Variants in COBL observed in about 807,000 individuals in gnomAD.
COBL encodes the protein protein cordon-bleu.
COBL carries 51 observed loss-of-function variants against 98.8 expected under a neutral mutation model. The observed-to-expected ratio is 0.52, with a 90% confidence interval of 0.41 to 0.65. The LOEUF (loss-of-function observed/expected upper bound fraction) is 0.65. Among genes scored for constraint, COBL ranks in the 30% least tolerant of loss-of-function variants. COBL has a pLI of 0.00. For missense variants in COBL, 1,617 were observed against 1,617.5 expected (o/e 1.00, Z 0.01); for synonymous variants, 634 against 651.7 (o/e 0.97, Z 0.41).
chr7:51,274,016 C>A (rs933783801), intron 1 of COBL, among the ~76,000 whole-genome samples: 3 of 152,150 alleles, frequency 2.0e-5, no homozygotes, highest in African/African-American at 7.2e-5. Flanking sequence ...CCTCCCTTCC[C>A]TGTAATGCTC....
At position 51,025,963 on chromosome 7, in the gene COBL, T is replaced by C. The variant is rs185284091; in HGVS notation, c.3504+583A>G. On this transcript the variant is annotated intron_variant, in intron 11 of 12. Transcript: ENST00000265136. ...ACTGAGAACTCTCTGACCTCATGAC[T>C]TTTCTTGGCATATAAGAATAGACAT... 3.0e-3 allele frequency among the ~76,000 whole-genome samples: 463 copies of C among 152,290 alleles called. 5 individuals carry two copies. Among genetic ancestry groups the C allele is most frequent in the African/African-American group, 0.011 (441 of 41,550 alleles).
Position 51,201,012 on chromosome 7 carries a change from G to A in COBL, c.246-7423C>T, listed in dbSNP as rs978825748. 1.3e-4 allele frequency among the ~76,000 whole-genome samples: 20 copies of A among 152,114 alleles called. No homozygotes were observed. The East Asian group carries it at 2.5e-3, about 19-fold the overall frequency. ...TCCCAACACTTTGGGAGGCCGAGGC[G>A]GGCAGATCACGATGTCAGGAGTTCG... On this transcript the variant is annotated intron_variant, in intron 2 of 12. Coordinates refer to ENST00000265136, the MANE Select transcript of COBL (RefSeq NM_015198.5).
intron 2 of COBL, among the ~76,000 whole-genome samples, chr7:51,195,639 TTTCC>T (rs1388371120): frequency 6.6e-6 from 1 of 152,014 alleles, no homozygotes; most frequent in African/African-American, 2.4e-5. Context: ...TGATCCTTCC[TTTCC>T]ATTTGTTTGT....
In COBL at chr7:51,187,164, G is replaced by A. The variant is rs527930035; in HGVS notation, c.686-2965C>T. On this transcript the variant is annotated intron_variant, in intron 4 of 12. Coordinates refer to ENST00000265136, the MANE Select transcript of COBL (RefSeq NM_015198.5). ...ATGAAGGACCCTTAAAGACCAACGA[G>A]TCCAAACCACTCACTTGTCTAGAGG... is the stretch of plus-strand genomic sequence containing the variant. Among the ~76,000 whole-genome samples, 8 of 152,114 alleles carry A rather than the reference G, an allele frequency of 5.3e-5. No homozygotes were observed. In the South Asian group the frequency reaches 1.7e-3, roughly 32 times the overall value.
intron 1 of COBL, among the ~76,000 whole-genome samples, chr7:51,273,979 C>A (rs1799040505): frequency 6.6e-6 from 1 of 152,144 alleles, no homozygotes; most frequent in South Asian, 2.1e-4. Flanking sequence ...CAAATGCGAT[C>A]TTCTTCAGTC....
intron 7 of COBL, among the ~76,000 whole-genome samples, chr7:51,068,885 T>C (rs1792238259): frequency 6.6e-6 from 1 of 152,222 alleles, no homozygotes; most frequent in South Asian, 2.1e-4. Context: ...TTTACTATTA[T>C]TTTATATTTA....
intron 1 of COBL, chr7:51,259,489 T>A: frequency 3.3e-6 from 2 of 610,522 alleles, no homozygotes; most frequent in South Asian, 3.3e-5. Flanking sequence ...GTGGGGCCCA[T>A]CTCCTTGAGG....
chr7:51,201,239 C>CAAAAAAAA (rs1157303332), intron 2 of COBL, among the ~76,000 whole-genome samples: 3 of 57,846 alleles, frequency 5.2e-5, no homozygotes, highest in East Asian at 5.1e-4. Context: ...GACTCCGTCT[C>CAAAAAAAA]AAAAAAAAAA....
chr7:51,028,461 G>T lies in COBL; in HGVS notation c.2635C>A (p.Pro879Thr), dbSNP rs775265556. 1.9e-6 allele frequency: 3 copies of T among 1,614,132 alleles called. No individual in the cohort carries two copies. Among genetic ancestry groups the T allele is most frequent in the Non-Finnish European group, 2.5e-6 (3 of 1,180,062 alleles). The change falls in exon 10 of 13, where the codon CCA becomes ACA. Residue 879 changes from proline to threonine, a missense_variant. Around this residue, in one of 3 missense-constraint regions of COBL, gnomAD observed 1,304 missense variants for 1,282.0 expected, o/e 1.02. Transcript: ENST00000265136. ...ASAIAKRIGA[P>T]KVHADVVRPH... ...CTCACCACATCAGCATGGACTTTTG[G>T]GGCTCCTATGCGCTTGGCAATGGCA...
chr7:51,135,864 T>A (rs1458910383), intron 6 of COBL, among the ~76,000 whole-genome samples: 6 of 152,198 alleles, frequency 3.9e-5, no homozygotes, highest in Non-Finnish European at 8.8e-5. Context: ...GAAGACTGCA[T>A]CCTTATCTTT....
chr7:51,150,846 A>C (rs991827857), intron 5 of COBL, among the ~76,000 whole-genome samples: 2 of 152,142 alleles, frequency 1.3e-5, no homozygotes, highest in Non-Finnish European at 1.5e-5. Flanking sequence ...TTCTTAGCAC[A>C]AAATTATAGC....
At chr7:51,252,225 T>A (rs917678155) in intron 1 of COBL, among the ~76,000 whole-genome samples, 1 of 152,216 alleles carries the variant, frequency 6.6e-6, no homozygotes, top group East Asian at 1.9e-4. Flanking sequence ...ACACACCATA[T>A]AATTTGCCCA....
Position 51,017,527 on chromosome 7 carries a change from T to A in COBL, c.*24A>T. 1 of 1,613,592 alleles carries A rather than the reference T, an allele frequency of 6.2e-7. No individual in the cohort carries two copies. The highest frequency in any genetic ancestry group is 8.5e-7 in the Non-Finnish European group (1 of 1,179,514). ...TGTGGGCATATTACAGGTGGGTTTC[T>A]GCAATTCTCTGGCCTCTGTTCATTC... On this transcript the variant is annotated 3_prime_UTR_variant, in exon 13 of 13. Transcript: ENST00000265136.
chr7:51,217,887 C>A (rs187279842), intron 2 of COBL, among the ~76,000 whole-genome samples: 191 of 152,364 alleles, frequency 1.3e-3, no homozygotes, highest in Middle Eastern at 3.4e-3. Context: ...TGTGCATGAA[C>A]CCTGGGGGGA....
chr7:51,069,572 A>G (rs894284469), intron 7 of COBL, among the ~76,000 whole-genome samples: 1 of 152,242 alleles, frequency 6.6e-6, no homozygotes, highest in Non-Finnish European at 1.5e-5. Context: ...ACATTCCAGG[A>G]AGAACCAGAA....
chr7:51,294,589 G>A (rs1801230325), intron 1 of COBL, among the ~76,000 whole-genome samples: 1 of 145,354 alleles, frequency 6.9e-6, no homozygotes, highest in African/African-American at 2.6e-5. Flanking sequence ...GTTGCAGTGA[G>A]CTGAGATCGC....
intron 7 of COBL, among the ~76,000 whole-genome samples, chr7:51,084,433 C>T (rs1247693216): frequency 6.6e-6 from 1 of 152,118 alleles, no homozygotes; most frequent in Non-Finnish European, 1.5e-5. Flanking sequence ...CATTTTCCAA[C>T]CACTCCATGG....
chr7:51,306,216 G>A (rs1244432538), intron 1 of COBL, among the ~76,000 whole-genome samples: 3 of 152,172 alleles, frequency 2.0e-5, no homozygotes, highest in South Asian at 2.1e-4. Flanking sequence ...TTTTCTCTCC[G>A]TGCTCAGTTC....
At position 51,025,324 on chromosome 7, in the gene COBL, G is replaced by C. The variant is rs1787439718; in HGVS notation, c.3553C>G (p.Leu1185Val). The part of the protein sequence containing the change: ...EELQSFRDAA[L>V]SAQGSESPLL... ...GGACTTTCCGAGCCCTGAGCAGAGA[G>C]TGCGGCATCTCGGAAGCTCTGGAGC... is the stretch of plus-strand genomic sequence containing the variant. Residue 1185 changes from leucine to valine, a missense_variant, in exon 12 of 13, where the codon CTC (leucine) becomes GTC (valine). By Grantham distance (32) the Leu-to-Val change is conservative. Transcript: ENST00000265136. The C allele has an allele frequency of 6.2e-7, 1 of 1,613,496 alleles. No individual in the cohort carries two copies.
Sources: gnomAD v4.1 joint callset for allele counts (sites outside exome capture counted in the v4.1 genomes callset) on GRCh38, gnomAD v4.1.1 for gene constraint, gnomAD v4.1.1 regional missense constraint, MANE v1.5 for transcripts, NCBI Gene and HGNC (gene_info 2026-07-23, HGNC 2026-07-21) for gene names.